Variants in PKN2 observed in about 807,000 individuals in gnomAD.
PKN2 encodes protein kinase N2, also known as serine/threonine-protein kinase N2.
PKN2 carries 38 observed loss-of-function variants against 119.1 expected under a neutral mutation model. The ratio of observed to expected loss-of-function variants is 0.32; its 90% CI spans 0.25 to 0.42. The LOEUF (loss-of-function observed/expected upper bound fraction) is 0.42. Among genes scored for constraint, PKN2 ranks in the 10% least tolerant of loss-of-function variants. The pLI is 1.00. For synonymous variants in PKN2, 390 were observed against 384.9 expected (o/e 1.01, Z -0.15); for missense variants, 850 against 1,165.1 (o/e 0.73, Z 3.94).
chr1:88,761,641 A>G (rs1326909591), intron 3 of PKN2, among the ~76,000 whole-genome samples: 2 of 148,762 alleles, frequency 1.3e-5, no homozygotes, highest in East Asian at 3.9e-4. Context: ...AAAAGACATT[A>G]GGGAAGTTAC....
At chr1:88,782,569 A>T (rs533689306) in intron 6 of PKN2, among the ~76,000 whole-genome samples, 1 of 151,792 alleles carries the variant, frequency 6.6e-6, no homozygotes, top group Admixed American at 6.6e-5. Context: ...GTCTTCAAGG[A>T]CACTAATCTT....
chr1:88,792,143 G>A (rs1670867251), intron 8 of PKN2, among the ~76,000 whole-genome samples: 1 of 152,266 alleles, frequency 6.6e-6, no homozygotes, highest in Middle Eastern at 3.4e-3. Flanking sequence ...GTTGGCTCAC[G>A]CCTGTAATCC....
chr1:88,823,834 C>T (rs1672389764), intron 17 of PKN2, among the ~76,000 whole-genome samples: 1 of 150,888 alleles, frequency 6.6e-6, no homozygotes, highest in Non-Finnish European at 1.5e-5. Context: ...AATAGTGAAA[C>T]CGCCTCTCTA....
intron 15 of PKN2, among the ~76,000 whole-genome samples, chr1:88,810,480 TAACTC>T (rs1409913994): frequency 6.6e-6 from 1 of 152,074 alleles, no homozygotes; most frequent in Admixed American, 6.6e-5. Flanking sequence ...AAATAGTAAA[TAACTC>T]AAGCTAAACT....
chr1:88,727,225 A>G (rs1172113924), intron 1 of PKN2, among the ~76,000 whole-genome samples: 1 of 147,530 alleles, frequency 6.8e-6, no homozygotes, highest in African/African-American at 2.5e-5. Context: ...TCCTGGTATT[A>G]ATATGGTTAC....
chr1:88,748,743 T>C (rs1668871384), intron 2 of PKN2, among the ~76,000 whole-genome samples: 1 of 150,750 alleles, frequency 6.6e-6, no homozygotes, highest in Non-Finnish European at 1.5e-5. Flanking sequence ...GAGACCAGCC[T>C]GAGCAACATA....
intron 1 of PKN2, among the ~76,000 whole-genome samples, chr1:88,694,367 A>C (rs1417045109): frequency 6.6e-6 from 1 of 152,230 alleles, no homozygotes; most frequent in Non-Finnish European, 1.5e-5. Flanking sequence ...GGTTGGAATC[A>C]TACAGTGTGT....
At chr1:88,830,165 G>T (rs1672675721) in intron 19 of PKN2, among the ~76,000 whole-genome samples, 2 of 152,226 alleles carry the variant, frequency 1.3e-5, no homozygotes, top group South Asian at 4.1e-4. Context: ...TGGTGGAGCT[G>T]GAATTTTAAC....
intron 1 of PKN2, among the ~76,000 whole-genome samples, chr1:88,738,602 G>A (rs1291378243): frequency 6.6e-6 from 1 of 152,198 alleles, no homozygotes; most frequent in Non-Finnish European, 1.5e-5. Flanking sequence ...AAAGTGTTAG[G>A]TATTTCTTCT....
At chr1:88,728,746 T>G (rs1195357286) in intron 1 of PKN2, among the ~76,000 whole-genome samples, 4 of 152,068 alleles carry the variant, frequency 2.6e-5, no homozygotes, top group Non-Finnish European at 4.4e-5. Flanking sequence ...TTACAGATAA[T>G]CAACGGGAGG....
chr1:88,713,810 T>C (rs1183269406), intron 1 of PKN2, among the ~76,000 whole-genome samples: 1 of 152,210 alleles, frequency 6.6e-6, no homozygotes, highest in East Asian at 1.9e-4. Flanking sequence ...ATTTTGGCTT[T>C]TGTTGCCATT....
chr1:88,693,349 G>A (rs891679378), intron 1 of PKN2, among the ~76,000 whole-genome samples: 5 of 151,962 alleles, frequency 3.3e-5, no homozygotes, highest in African/African-American at 4.8e-5. Context: ...TTACAAACTC[G>A]GAATCCTAAA....
intron 1 of PKN2, chr1:88,685,188 C>T (rs2100633532): frequency 6.6e-6 from 1 of 152,466 alleles, no homozygotes; most frequent in African/African-American, 2.4e-5. Flanking sequence ...ACTTCAGCAG[C>T]CCTCTTCAGG....
At chr1:88,785,273 C>T (rs1670524650) in intron 7 of PKN2, among the ~76,000 whole-genome samples, 1 of 152,110 alleles carries the variant, frequency 6.6e-6, no homozygotes, top group African/African-American at 2.4e-5. Flanking sequence ...GGACTATAGG[C>T]ATATGCCACC....
At chr1:88,710,979 T>A (rs1056052522) in intron 1 of PKN2, among the ~76,000 whole-genome samples, 4 of 152,050 alleles carry the variant, frequency 2.6e-5, no homozygotes, top group African/African-American at 9.7e-5. Flanking sequence ...TAAGAAAGAA[T>A]GAGATTATGT....
intron 1 of PKN2, among the ~76,000 whole-genome samples, chr1:88,733,759 A>G (rs1350434538): frequency 1.3e-5 from 2 of 152,108 alleles, no homozygotes; most frequent in African/African-American, 4.8e-5. Context: ...TGGATTTGGG[A>G]TTTTTTCAGG....
intron 1 of PKN2, among the ~76,000 whole-genome samples, chr1:88,717,670 A>G (rs887952710): frequency 1.3e-5 from 2 of 151,748 alleles, no homozygotes; most frequent in African/African-American, 2.4e-5. Context: ...TCTCCATGCT[A>G]TTTATTCTAG....
intron 1 of PKN2, among the ~76,000 whole-genome samples, chr1:88,698,536 C>G (rs1221663392): frequency 6.6e-6 from 1 of 152,214 alleles, no homozygotes; most frequent in Non-Finnish European, 1.5e-5. Flanking sequence ...CTTTTAGAGG[C>G]ATCAAAGACA....
intron 15 of PKN2, among the ~76,000 whole-genome samples, chr1:88,813,012 T>C (rs1671842100): frequency 1.3e-5 from 2 of 152,188 alleles, no homozygotes; most frequent in African/African-American, 4.8e-5. Context: ...AGTGCCTTAA[T>C]CTGTAGTAAC....
Sources: gnomAD v4.1 joint callset for allele counts (sites outside exome capture counted in the v4.1 genomes callset) on GRCh38, gnomAD v4.1.1 for gene constraint, MANE v1.5 for transcripts, NCBI Gene and HGNC (gene_info 2026-07-23, HGNC 2026-07-21) for gene names.